The following RFWD3 variants were observed in gnomAD, a reference collection of about 807,000 sequenced individuals.
RFWD3 encodes E3 ubiquitin-protein ligase RFWD3.
A neutral mutation model predicts 87.7 loss-of-function variants in RFWD3; 65 were observed. That is an observed-to-expected ratio of 0.74 (90% CI 0.61 to 0.91). RFWD3 has a LOEUF of 0.91. Ranked by LOEUF, RFWD3 falls within the 40% of genes least tolerant of loss-of-function variation. RFWD3 has a pLI of 0.00. For missense variants in RFWD3, 1,078 were observed against 938.5 expected (o/e 1.15, Z -1.94); for synonymous variants, 433 against 352.8 (o/e 1.23, Z -2.55).
intron 4 of RFWD3, 69 bp from the exon 5 acceptor site, chr16:74,644,804 T>G: frequency 1.4e-6 from 2 of 1,470,074 alleles, no homozygotes; most frequent in Non-Finnish European, 1.9e-6. Flanking sequence ...GATGTGCAAC[T>G]AAGAAATTAA....
intron 8 of RFWD3, among the ~76,000 whole-genome samples, chr16:74,633,289 A>AAAG (rs1959162524): frequency 6.6e-6 from 1 of 151,080 alleles, no homozygotes; most frequent in Admixed American, 6.6e-5. Context: ...GAAAAAAAAA[A>AAAG]AAAAGAAAAG....
intron 6 of RFWD3, among the ~76,000 whole-genome samples, chr16:74,641,555 C>T (rs1420080986): frequency 6.6e-6 from 1 of 151,844 alleles, no homozygotes; most frequent in African/African-American, 2.4e-5. Flanking sequence ...GGATATACTC[C>T]CAAAGCATAA....
rs189324874 is a variant in RFWD3, at chr16:74,623,604, G to A, written c.*324C>T. 862 of 210,994 alleles carry A rather than the reference G, an allele frequency of 4.1e-3. 5 individuals carry two copies. The highest frequency in any genetic ancestry group is 6.4e-3 in the Non-Finnish European group (679 of 106,062). 13.1% of individuals were successfully genotyped at this position (210,994 alleles called of 1,614,324 possible). ...CCACTCACATCCTAGATGATGAGAG[G>A]ACACTCTCTAAGGTCCAGAAAGTCA... On this transcript the variant is annotated 3_prime_UTR_variant, in exon 13 of 13. Coordinates refer to ENST00000361070, the MANE Select transcript of RFWD3 (RefSeq NM_018124.4).
At chr16:74,631,886 C>T (rs555625788) in intron 9 of RFWD3, among the ~76,000 whole-genome samples, 1 of 152,212 alleles carries the variant, frequency 6.6e-6, no homozygotes, top group East Asian at 1.9e-4. Context: ...TCACAAAGCG[C>T]TAGGATTACA....
intron 9 of RFWD3, 85 bp downstream of exon 9, chr16:74,632,438 C>A: frequency 1.4e-6 from 2 of 1,439,564 alleles, no homozygotes; most frequent in Admixed American, 1.8e-5. Context: ...AAAAACAGAG[C>A]TAAGGTCATC....
At chr16:74,666,755 A>C (rs1430047431) in intron 1 of RFWD3, 31 bp downstream of exon 1, 1 of 113,266 alleles carries the variant, frequency 8.8e-6, no homozygotes, top group Admixed American at 9.5e-5. Flanking sequence ...TAGAGGCCCA[A>C]GGCCTGAGGA....
chr16:74,624,656 C>G (rs1355928205), intron 12 of RFWD3, among the ~76,000 whole-genome samples: 2 of 152,214 alleles, frequency 1.3e-5, no homozygotes, highest in African/African-American at 4.8e-5. Flanking sequence ...CTTGGCCTCC[C>G]AAAGTGCTGG....
intron 1 of RFWD3, chr16:74,665,166 G>A (rs899654250): frequency 6.6e-6 from 1 of 152,310 alleles, no homozygotes; most frequent in East Asian, 1.9e-4. Flanking sequence ...TCTTTGCTCT[G>A]GCCGGTGCAG....
intron 6 of RFWD3, among the ~76,000 whole-genome samples, chr16:74,640,052 T>A (rs1959497398): frequency 6.6e-6 from 1 of 152,144 alleles, no homozygotes; most frequent in Non-Finnish European, 1.5e-5. Flanking sequence ...AGAAAAAACA[T>A]ACTACGGTTT....
chr16:74,636,263 A>C (rs939848603), intron 8 of RFWD3, 83 bp downstream of exon 8: 4 of 1,238,630 alleles, frequency 3.2e-6, no homozygotes, highest in Non-Finnish European at 4.7e-6. Flanking sequence ...GTAACCTTTG[A>C]GTCTTGAATT....
At chr16:74,637,791 C>T (rs908431979) in intron 7 of RFWD3, 65 bp downstream of exon 7, 10 of 1,176,848 alleles carry the variant, frequency 8.5e-6, no homozygotes, top group Middle Eastern at 2.6e-4. Context: ...ATGAACATAA[C>T]TAACATTAGC....
intron 4 of RFWD3, among the ~76,000 whole-genome samples, chr16:74,647,427 A>G (rs1243666372): frequency 2.0e-5 from 3 of 152,026 alleles, no homozygotes; most frequent in Non-Finnish European, 4.4e-5. Flanking sequence ...AGCTGGGACT[A>G]TAGGCACGCA....
At chr16:74,649,801 A>G (rs1245236794) in intron 3 of RFWD3, among the ~76,000 whole-genome samples, 1 of 152,088 alleles carries the variant, frequency 6.6e-6, no homozygotes. Flanking sequence ...ATTTTATTAC[A>G]ATTCCCCCTC....
chr16:74,664,911 C>T (rs1323430005), intron 1 of RFWD3, among the ~76,000 whole-genome samples: 2 of 152,188 alleles, frequency 1.3e-5, no homozygotes, highest in Non-Finnish European at 2.9e-5. Flanking sequence ...AGTTCTGGAG[C>T]TGAAGCTTCC....
At chr16:74,653,556 T>C (rs1395015467) in intron 2 of RFWD3, among the ~76,000 whole-genome samples, 1 of 152,058 alleles carries the variant, frequency 6.6e-6, no homozygotes, top group Non-Finnish European at 1.5e-5. Flanking sequence ...CTTACGCCTA[T>C]AATCCCAGCA....
chr16:74,627,234 C>T (rs1168117651), intron 11 of RFWD3, among the ~76,000 whole-genome samples: 1 of 152,254 alleles, frequency 6.6e-6, no homozygotes, highest in Non-Finnish European at 1.5e-5. Flanking sequence ...TCTGACTATA[C>T]ATCTGCCTGA....
chr16:74,632,660 C>G lies in RFWD3; in HGVS notation c.1440G>C (p.Lys480Asn). 2.5e-6 allele frequency: 4 copies of G among 1,614,102 alleles called. No individual in the cohort carries two copies. Among genetic ancestry groups the G allele is most frequent in the Non-Finnish European group, 3.4e-6 (4 of 1,179,986 alleles). The part of the protein sequence containing the change: ...QASFLPGFGV[K>N]MLSTANMKSS... ...TCTTCATGTTGGCAGTACTCAACAT[C>G]TTAACACCAAAGCCTGAAAAAGGCA... The change falls in exon 9 of 13, where the codon AAG (lysine) becomes AAC (asparagine). Residue 480 changes from lysine (K) to asparagine (N), a missense_variant. Physicochemically the swap from Lys to Asn is moderately conservative, Grantham distance 94. Coordinates refer to ENST00000361070, the MANE Select transcript of RFWD3 (RefSeq NM_018124.4).
intron 2 of RFWD3, among the ~76,000 whole-genome samples, chr16:74,658,260 GTC>G (rs760295484): frequency 1.4e-4 from 22 of 152,296 alleles, no homozygotes; most frequent in Non-Finnish European, 2.8e-4. Context: ...GCAAAGTTTA[GTC>G]TCTCACACAG....
chr16:74,641,681 T>C (rs1196358233), intron 6 of RFWD3, among the ~76,000 whole-genome samples: 2 of 151,884 alleles, frequency 1.3e-5, no homozygotes, highest in Admixed American at 6.6e-5. Flanking sequence ...TCTCAGCACT[T>C]TGGGAGTCCA....
Sources: allele counts gnomAD v4.1 joint callset (sites outside exome capture counted in the v4.1 genomes callset), GRCh38; gene constraint gnomAD v4.1.1; transcripts MANE v1.5; gene names NCBI Gene and HGNC (gene_info 2026-07-23, HGNC 2026-07-21).